The following MYH10 variants were observed in gnomAD, a reference collection of about 807,000 sequenced individuals.
MYH10 encodes myosin-10.
MYH10 carries 55 observed loss-of-function variants against 257.8 expected under a neutral mutation model. The ratio of observed to expected loss-of-function variants is 0.21; its 90% CI spans 0.17 to 0.27. The LOEUF (loss-of-function observed/expected upper bound fraction) is 0.27. MYH10 is among the 10% of genes least tolerant of loss of function. The pLI is 1.00. For missense variants in MYH10, 1,631 were observed against 2,500.6 expected (o/e 0.65, Z 7.42); for synonymous variants, 854 against 921.7 (o/e 0.93, Z 1.33).
chr17:8,587,186 G>T (rs1567944252), intron 4 of MYH10, among the ~76,000 whole-genome samples: 1 of 152,178 alleles, frequency 6.6e-6, no homozygotes, highest in African/African-American at 2.4e-5. Flanking sequence ...GTTGTCCGTA[G>T]ACGCAGCAGT....
rs943533868 is a variant in MYH10, at chr17:8,552,904, C to T, written c.821-760G>A. On this transcript the variant is annotated intron_variant, in intron 8 of 42. Coordinates refer to ENST00000360416, the MANE Select transcript of MYH10 (RefSeq NM_001256012.3). The surrounding 1 kb of genome is among the most constrained non-coding windows in gnomAD (Gnocchi z 4.8). ...TCCTGCATTTCAGACCACTGCACAC[C>T]CAGCTGTGTATCTTATCTGGGGCTC... Among the ~76,000 whole-genome samples, 11 of 152,214 alleles carry T rather than the reference C, an allele frequency of 7.2e-5. No homozygotes were observed. Among genetic ancestry groups the T allele is most frequent in the Non-Finnish European group, 1.2e-4 (8 of 68,034 alleles).
At chr17:8,520,756 GCTAT>G in intron 19 of MYH10, 118 bp downstream of exon 19, 1 of 1,066,742 alleles carries the variant, frequency 9.4e-7, no homozygotes, top group Non-Finnish European at 1.3e-6. Context: ...CTATATGTTT[GCTAT>G]ATAAGAAAAC....
intron 17 of MYH10, 131 bp from the exon 18 acceptor site, chr17:8,521,416 C>T: frequency 1.1e-6 from 1 of 927,914 alleles, no homozygotes. Context: ...ATAGGTAAGG[C>T]AGTCAGCATA....
At chr17:8,579,289 A>G (rs1450956315) in intron 4 of MYH10, among the ~76,000 whole-genome samples, 1 of 152,192 alleles carries the variant, frequency 6.6e-6, no homozygotes, top group African/African-American at 2.4e-5. Flanking sequence ...AAAAAAAAAA[A>G]AAAATTGTAC....
chr17:8,504,994 TCCA>T lies in MYH10; in HGVS notation c.3387-91_3387-89del. Reference sequence around the variant, plus strand: ...GCGAGCCCCAGCCCCTGAGCACCTCTCCACGAGACCCCAGCCCCACATCCCTCC... The same window carrying T: ...GCGAGCCCCAGCCCCTGAGCACCTCTCGAGACCCCAGCCCCACATCCCTCC... On this transcript the variant is annotated intron_variant, in intron 27 of 42. Transcript: ENST00000360416. The surrounding 1 kb of genome is among the most constrained non-coding windows in gnomAD (Gnocchi z 5.6). 9.3e-7 allele frequency: 1 copy of T among 1,077,172 alleles called. No homozygotes were observed. The highest frequency in any genetic ancestry group is 2.4e-5 in the East Asian group (1 of 42,262). 66.7% of individuals were successfully genotyped at this position (1,077,172 alleles called of 1,614,324 possible).
At chr17:8,567,982 T>C (rs75283027) in intron 7 of MYH10, among the ~76,000 whole-genome samples, 1 of 152,148 alleles carries the variant, frequency 6.6e-6, no homozygotes, top group East Asian at 1.9e-4. Context: ...GGCGCCCAGA[T>C]GTCTGTGGTC....
At chr17:8,608,183 G>T (rs1422167530) in intron 2 of MYH10, among the ~76,000 whole-genome samples, 1 of 152,210 alleles carries the variant, frequency 6.6e-6, no homozygotes, top group African/African-American at 2.4e-5. Context: ...GGTATTGAAG[G>T]TTCAGGAGAG....
At chr17:8,515,088 C>G (rs540102519) in intron 21 of MYH10, among the ~76,000 whole-genome samples, 31 of 152,154 alleles carry the variant, frequency 2.0e-4, no homozygotes, top group Non-Finnish European at 3.4e-4. Context: ...GTTGGCACAA[C>G]CAAGTGACCG....
chr17:8,566,143 G>C (rs1194185763), intron 7 of MYH10, among the ~76,000 whole-genome samples: 1 of 152,072 alleles, frequency 6.6e-6, no homozygotes, highest in Admixed American at 6.6e-5. Flanking sequence ...GATGTCTCCA[G>C]ACACCGCCAA....
At chr17:8,501,683 G>C (rs1286415186) in intron 28 of MYH10, among the ~76,000 whole-genome samples, 1 of 152,198 alleles carries the variant, frequency 6.6e-6, no homozygotes, top group East Asian at 1.9e-4. Flanking sequence ...AAAATTAAAA[G>C]GCAGCTCAAA....
At chr17:8,507,442 T>C (rs2081109502) in intron 26 of MYH10, among the ~76,000 whole-genome samples, 1 of 152,222 alleles carries the variant, frequency 6.6e-6, no homozygotes, top group African/African-American at 2.4e-5. Flanking sequence ...TCTTATTGCT[T>C]TTGCAGAAGC....
chr17:8,509,890 CTT>C lies in MYH10; in HGVS notation c.3010_3011del (p.Lys1004GlyfsTer37). ...EGARQKLQLE[K>X]VTAEAKIKKM... is the part of the protein sequence containing the mutation. The stretch of plus-strand genomic sequence containing the variant: ...TCTTGATCTTGGCCTCTGCTGTCAC[CTT>C]TTCCAGCTGCAGCTTTTGCCGAGCC... On this transcript the variant is annotated frameshift_variant, in exon 25 of 43. Coordinates refer to ENST00000360416, the MANE Select transcript of MYH10 (RefSeq NM_001256012.3). LOFTEE classifies it high-confidence loss of function. 1 of 1,613,234 alleles carries C rather than the reference CTT, an allele frequency of 6.2e-7. No homozygotes were observed. The highest frequency in any genetic ancestry group is 1.1e-5 in the South Asian group (1 of 90,992).
intron 4 of MYH10, among the ~76,000 whole-genome samples, chr17:8,587,905 TTC>T (rs2083968967): frequency 6.6e-6 from 1 of 152,108 alleles, no homozygotes; most frequent in African/African-American, 2.4e-5. Flanking sequence ...GCCACCTGGC[TTC>T]TCTACCTCTT....
intron 3 of MYH10, among the ~76,000 whole-genome samples, chr17:8,590,626 A>C (rs1274004995): frequency 6.6e-6 from 1 of 152,010 alleles, no homozygotes; most frequent in Non-Finnish European, 1.5e-5. Flanking sequence ...TTTCATTCTA[A>C]TAGCTCATAA....
intron 24 of MYH10, among the ~76,000 whole-genome samples, chr17:8,512,207 A>C (rs768175856): frequency 6.6e-6 from 1 of 152,340 alleles, no homozygotes; most frequent in East Asian, 1.9e-4. Context: ...ATCTCTTTGC[A>C]AACTGTAAGA....
chr17:8,538,667 C>T (rs1035752085), intron 14 of MYH10, among the ~76,000 whole-genome samples: 3 of 152,144 alleles, frequency 2.0e-5, no homozygotes, highest in African/African-American at 7.2e-5. Context: ...AATAAAGGGT[C>T]CACTCTAAAG....
At chr17:8,563,990 G>C (rs2083083129) in intron 7 of MYH10, among the ~76,000 whole-genome samples, 1 of 152,080 alleles carries the variant, frequency 6.6e-6, no homozygotes, top group African/African-American at 2.4e-5. Flanking sequence ...CTCTGTGAGG[G>C]AAGATGTACC....
Position 8,477,412 on chromosome 17 carries a change from A to G in MYH10, c.5707-364T>C, listed in dbSNP as rs930174088. ...GTGGAAGAACCAGCAATGTGGGACA[A>G]TCCCCAGCCCAGAAGATGGTACAAT... On this transcript the variant is annotated intron_variant, in intron 41 of 42. Transcript: ENST00000360416. This position sits in a 1 kb window ranked among gnomAD's most constrained non-coding sequence, Gnocchi z 4.2. 2.6e-5 allele frequency among the ~76,000 whole-genome samples: 4 copies of G among 152,150 alleles called. No individual in the cohort carries two copies. The highest frequency in any genetic ancestry group is 1.3e-4 in the Admixed American group (2 of 15,276).
intron 29 of MYH10, 79 bp from the exon 30 acceptor site, chr17:8,499,555 G>C: frequency 1.5e-6 from 2 of 1,300,346 alleles, no homozygotes; most frequent in South Asian, 1.2e-5. Context: ...TGAGTCTGCA[G>C]AATTGTGCCT....
Sources: gnomAD v4.1 joint callset for allele counts (sites outside exome capture counted in the v4.1 genomes callset) on GRCh38, gnomAD v4.1.1 for gene constraint, Gnocchi (gnomAD v3.1) non-coding constraint, MANE v1.5 for transcripts, NCBI Gene and HGNC (gene_info 2026-07-23, HGNC 2026-07-21) for gene names.